Variants in NRXN3 observed in about 807,000 individuals in gnomAD.
NRXN3 encodes neurexin 3, also known as neurexin III.
NRXN3 carries 32 observed loss-of-function variants against 137.6 expected under a neutral mutation model. That is an observed-to-expected ratio of 0.23 (90% CI 0.18 to 0.31). The LOEUF is 0.31. Ranked by LOEUF, NRXN3 falls within the 10% of genes least tolerant of loss-of-function variation. NRXN3 has a pLI of 1.00. For missense variants in NRXN3, 1,574 were observed against 2,062.5 expected, an observed-to-expected ratio of 0.76 and a Z score of 4.59; for synonymous variants, 798 against 784.5, an observed-to-expected ratio of 1.02 and a Z score of -0.29.
Position 79,359,712 on chromosome 14 carries a change from C to T in NRXN3, c.3263-107509C>T, listed in dbSNP as rs566330802. Among the ~76,000 whole-genome samples, 17 of 151,716 alleles carry T rather than the reference C, an allele frequency of 1.1e-4. No individual in the cohort carries two copies. In the East Asian group the frequency reaches 2.0e-3, roughly 17 times the overall value. ...CAGCCTCCCAAGTAGCTGGGATTAC[C>T]GGTGTGTGCCACCACACCTGGCTAA... On this transcript the variant is annotated intron_variant, in intron 15 of 20. Transcript: ENST00000335750.
chr14:79,152,707 GA>G (rs776103211), intron 15 of NRXN3, among the ~76,000 whole-genome samples: 2 of 151,902 alleles, frequency 1.3e-5, no homozygotes, highest in Non-Finnish European at 2.9e-5. Flanking sequence ...TGGTATGGGG[GA>G]AATCACTCCC....
intron 1 of NRXN3, among the ~76,000 whole-genome samples, chr14:78,197,381 A>G (rs1383342168): frequency 1.3e-5 from 2 of 152,188 alleles, no homozygotes; most frequent in Non-Finnish European, 2.9e-5. Flanking sequence ...GTAAGGCTGC[A>G]TGGCAAAAGG....
At chr14:78,456,189 C>T (rs1483613810) in intron 4 of NRXN3, among the ~76,000 whole-genome samples, 5 of 152,148 alleles carry the variant, frequency 3.3e-5, no homozygotes, top group Admixed American at 2.0e-4. Flanking sequence ...CACCCCCCTA[C>T]GACAGTTTTT....
At chr14:79,264,459 T>G (rs1240497468) in intron 15 of NRXN3, among the ~76,000 whole-genome samples, 1 of 152,032 alleles carries the variant, frequency 6.6e-6, no homozygotes, top group South Asian at 2.1e-4. Context: ...CAAAGTTAGG[T>G]TTCTTCTGAG....
rs1203369453 is a variant in NRXN3, at chr14:79,862,453, TAAA to T, written c.*493_*495del. The T allele has an allele frequency of 1.4e-5, 2 of 144,688 alleles. No individual in the cohort carries two copies. Among genetic ancestry groups the T allele is most frequent in the Non-Finnish European group, 3.1e-5 (2 of 65,274 alleles). The allele number at this position is 144,688 out of a possible 1,614,324, so 9.0% of individuals were successfully genotyped here. On this transcript the variant is annotated 3_prime_UTR_variant, in exon 21 of 21. Coordinates refer to ENST00000335750, the MANE Select transcript of NRXN3 (RefSeq NM_001330195.2). The stretch of plus-strand genomic sequence containing the variant: ...TACAACAACAAAAAAAGAAAAAAGT[TAAA>T]AAAGAAAAAAACACCAAAAAACAAA...
intron 8 of NRXN3, among the ~76,000 whole-genome samples, chr14:78,796,560 A>T (rs1294763668): frequency 1.3e-5 from 2 of 152,198 alleles, no homozygotes; most frequent in Admixed American, 6.5e-5. Context: ...CAAACTGGTA[A>T]AGCAGCCAGA....
At chr14:79,064,821 GTGTA>G (rs1288117131) in intron 15 of NRXN3, among the ~76,000 whole-genome samples, 13 of 136,056 alleles carry the variant, frequency 9.6e-5, no homozygotes, top group African/African-American at 3.4e-4. Context: ...GTGTGTGTGT[GTGTA>G]TATATAATTA....
chr14:79,443,879 G>A (rs1221397234), intron 15 of NRXN3, among the ~76,000 whole-genome samples: 5 of 152,106 alleles, frequency 3.3e-5, no homozygotes, highest in African/African-American at 1.2e-4. Context: ...CTTCCCCACT[G>A]GTTTTTGAGA....
rs1443432581 is a variant in NRXN3 at position 78,969,569 on chromosome 14, C to T, written c.3142+1223C>T. ...CACTTCTGTGTTCAACTTCATGTAT[C>T]GCTTCTGTTCTTAAACAGCTTCCAT... On this transcript the variant is annotated intron_variant, in intron 14 of 20. Coordinates refer to ENST00000335750, the MANE Select transcript of NRXN3 (RefSeq NM_001330195.2). Among the ~76,000 whole-genome samples the T allele has an allele frequency of 3.3e-5, 5 of 152,094 alleles. No homozygotes were observed. In the South Asian group the frequency reaches 8.3e-4, roughly 25 times the overall value.
At chr14:79,597,135 A>T (rs2097866160) in intron 16 of NRXN3, among the ~76,000 whole-genome samples, 1 of 152,184 alleles carries the variant, frequency 6.6e-6, no homozygotes, top group African/African-American at 2.4e-5. Flanking sequence ...CTCTTAGATT[A>T]GATCAAAAGA....
Position 78,505,854 on chromosome 14 carries a change from A to G in NRXN3, c.758-139266A>G, listed in dbSNP as rs771456816. Among the ~76,000 whole-genome samples, 13 of 152,166 alleles carry G rather than the reference A, an allele frequency of 8.5e-5. 1 individual carries two copies. The highest frequency in any genetic ancestry group is 7.9e-4 in the Admixed American group (12 of 15,266). ...AGACTTCTTGAGATATAATTGATAT[A>G]CAAAGAGCTGTACATATCTAATTTG... On this transcript the variant is annotated intron_variant, in intron 4 of 20. Coordinates refer to ENST00000335750, the MANE Select transcript of NRXN3 (RefSeq NM_001330195.2).
At chr14:79,394,826 T>C (rs2094965848) in intron 15 of NRXN3, among the ~76,000 whole-genome samples, 1 of 152,232 alleles carries the variant, frequency 6.6e-6, no homozygotes, top group Non-Finnish European at 1.5e-5. Flanking sequence ...TCCTATTTTA[T>C]TTATGAGGAC....
Position 79,365,737 on chromosome 14 carries a change from AAAAAAAAG to A in NRXN3, c.3263-101476_3263-101469del, listed in dbSNP as rs1272649404. Among the ~76,000 whole-genome samples, 233 of 143,798 alleles carry A rather than the reference AAAAAAAAG, an allele frequency of 1.6e-3. 8 individuals are homozygous for A. The East Asian group carries it at 0.038, about 24-fold the overall frequency. The allele number at this position is 143,798 out of a possible 152,430, so 94.3% of individuals were successfully genotyped here. ...CGAGACTCTGTCTCAAAAAAAAAAA[AAAAAAAAG>A]AAAAAAAAGAAGAGTTTTATTAAAC... On this transcript the variant is annotated intron_variant, in intron 15 of 20. Transcript: ENST00000335750.
intron 4 of NRXN3, among the ~76,000 whole-genome samples, chr14:78,579,561 G>A (rs1227189967): frequency 2.6e-5 from 4 of 151,938 alleles, no homozygotes; most frequent in African/African-American, 9.7e-5. Flanking sequence ...TAGAGCCAAA[G>A]TGTAAGGAGG....
At chr14:79,316,510 A>G (rs2088720021) in intron 15 of NRXN3, among the ~76,000 whole-genome samples, 2 of 152,212 alleles carry the variant, frequency 1.3e-5, no homozygotes, top group Admixed American at 1.3e-4. Context: ...AAGAGGGGAA[A>G]GGGACCGGAT....
At chr14:78,464,879 G>A (rs1288246832) in intron 4 of NRXN3, among the ~76,000 whole-genome samples, 1 of 151,962 alleles carries the variant, frequency 6.6e-6, no homozygotes, top group Admixed American at 6.6e-5. Flanking sequence ...TTCCTCCTCC[G>A]AATTCTCAGT....
At chr14:78,747,528 A>T (rs779294879) in intron 8 of NRXN3, among the ~76,000 whole-genome samples, 1 of 152,102 alleles carries the variant, frequency 6.6e-6, no homozygotes, top group Admixed American at 6.5e-5. Context: ...CTGGTGCAAG[A>T]GTTTCTCTTT....
chr14:78,859,121 A>G (rs1031214762), intron 10 of NRXN3, among the ~76,000 whole-genome samples: 1 of 152,196 alleles, frequency 6.6e-6, no homozygotes, highest in Admixed American at 6.6e-5. Flanking sequence ...TGATGGTTTT[A>G]TAAGTGTCTG....
At chr14:78,627,104 T>TTCTCTCTCTCTCTCTCTC (rs68104206) in intron 4 of NRXN3, among the ~76,000 whole-genome samples, 4 of 120,986 alleles carry the variant, frequency 3.3e-5, no homozygotes, top group African/African-American at 1.3e-4. Context: ...CCTCCCTCCC[T>TTCTCTCTCTCTCTCTCTC]TCTCTCTCTC....
Sources: allele counts gnomAD v4.1 joint callset (sites outside exome capture counted in the v4.1 genomes callset), GRCh38; gene constraint gnomAD v4.1.1; transcripts MANE v1.5; gene names NCBI Gene and HGNC (gene_info 2026-07-23, HGNC 2026-07-21).